ADGRG2: variants seen among roughly 807,000 people sequenced by gnomAD.
The protein encoded by ADGRG2 is G protein-coupled receptor 64.
In ADGRG2, 26 loss-of-function variants were observed where a neutral mutation model predicts 74.1. The observed-to-expected ratio is 0.35, with a 90% CI of 0.26 to 0.49. ADGRG2 has a LOEUF of 0.49. Ranked by LOEUF, ADGRG2 falls within the 20% of genes least tolerant of loss-of-function variation. The pLI, the probability that ADGRG2 is intolerant of heterozygous loss-of-function variation, is 0.99. For synonymous variants in ADGRG2, 296 were observed against 295.2 expected (o/e 1.00, Z -0.03); for missense variants, 619 against 763.1 (o/e 0.81, Z 2.22).
chrX:19,086,197 G>T (rs1289667874), intron 1 of ADGRG2, among the ~76,000 whole-genome samples: 1 of 111,511 alleles, frequency 9.0e-6, no homozygotes. Flanking sequence ...ATGAGCACCA[G>T]CGCTTCAGTG....
chrX:19,018,676 G>A (rs1003033904), intron 15 of ADGRG2, among the ~76,000 whole-genome samples: 2 of 111,376 alleles, frequency 1.8e-5, no homozygotes, highest in Non-Finnish European at 3.8e-5. Context: ...TGACATCTCA[G>A]ATCACTGGGG....
intron 2 of ADGRG2, among the ~76,000 whole-genome samples, chrX:19,073,446 C>A (rs756888491): frequency 3.0e-4 from 33 of 111,481 alleles, no homozygotes; most frequent in African/African-American, 9.8e-4. Context: ...TTATCCAGGG[C>A]CCCCTTTTAG....
intron 26 of ADGRG2, among the ~76,000 whole-genome samples, chrX:18,998,227 C>T (rs1038564782): frequency 4.5e-5 from 5 of 111,814 alleles, no homozygotes; most frequent in Non-Finnish European, 9.4e-5. Context: ...TTCTCATTGT[C>T]TCCAAATCGC....
In ADGRG2 at chrX:18,999,979, T is replaced by C; in HGVS notation, c.2231-19A>G. 1 of 894,434 alleles carries C rather than the reference T, an allele frequency of 1.1e-6. No individual in the cohort carries two copies. The highest frequency in any genetic ancestry group is 1.6e-6 in the Non-Finnish European group (1 of 620,866). 73.7% of individuals were successfully genotyped at this position (894,434 alleles called of 1,213,427 possible). ...GGTACCCCTGGAAGATGGGAAACAT[T>C]GGTCACACCTAATTTTTTTTTTTTT... On this transcript the variant is annotated intron_variant, in intron 24 of 28. Coordinates refer to ENST00000379869, the MANE Select transcript of ADGRG2 (RefSeq NM_001079858.3).
At chrX:19,036,333 A>G in intron 6 of ADGRG2, 1 of 120,855 alleles carries the variant, frequency 8.3e-6, no homozygotes, top group Non-Finnish European at 1.7e-5. Context: ...CATTTCCAAC[A>G]TTAATACTGA....
intron 1 of ADGRG2, among the ~76,000 whole-genome samples, chrX:19,096,610 G>A (rs2062101241): frequency 9.0e-6 from 1 of 111,421 alleles, no homozygotes; most frequent in Non-Finnish European, 1.9e-5. Flanking sequence ...TAGTACTAAT[G>A]CCACATTATT....
At chrX:19,045,043 T>G (rs1360697768) in intron 3 of ADGRG2, among the ~76,000 whole-genome samples, 1 of 110,978 alleles carries the variant, frequency 9.0e-6, no homozygotes, top group Non-Finnish European at 1.9e-5. Context: ...GGGTCAGAGT[T>G]ATGCCATGAG....
At chrX:19,053,720 A>C (rs1294387071) in intron 3 of ADGRG2, among the ~76,000 whole-genome samples, 1 of 112,304 alleles carries the variant, frequency 8.9e-6, no homozygotes, top group African/African-American at 3.2e-5. Context: ...CAATGACTGT[A>C]TTAGTCCGTT....
upstream of ADGRG2, chrX:19,122,585 C>T (rs1288904506): frequency 1.8e-5 from 2 of 109,629 alleles, no homozygotes; most frequent in Non-Finnish European, 3.8e-5. Context: ...AGCTCTCCAG[C>T]TGCCCAGCGC....
At chrX:19,077,627 GC>G (rs924159057) in intron 2 of ADGRG2, among the ~76,000 whole-genome samples, 7 of 110,416 alleles carry the variant, frequency 6.3e-5, no homozygotes, top group Admixed American at 4.9e-4. Context: ...CCAATTATAT[GC>G]TATTTACAAG....
chrX:19,045,129 G>A lies in ADGRG2; in HGVS notation c.119-4905C>T, dbSNP rs141386531. Among the ~76,000 whole-genome samples, 637 of 109,881 alleles carry A rather than the reference G, an allele frequency of 5.8e-3. 7 individuals carry two copies. The highest frequency in any genetic ancestry group is 0.02 in the African/African-American group (596 of 30,224). On this transcript the variant is annotated intron_variant, in intron 3 of 28. Transcript: ENST00000379869. Reference sequence around the variant, plus strand: ...TGTTAGTGCTTGAGAAACAGGATGGGTGAGGTTTAGAAACTTGTTCAAGGC... The same window carrying A: ...TGTTAGTGCTTGAGAAACAGGATGGATGAGGTTTAGAAACTTGTTCAAGGC...
chrX:19,078,690 G>T (rs1177106401), intron 2 of ADGRG2, among the ~76,000 whole-genome samples: 3 of 109,693 alleles, frequency 2.7e-5, no homozygotes, highest in African/African-American at 1.0e-4. Context: ...TAGAAAAAGA[G>T]AAAGGCTTAA....
At chrX:19,084,335 G>C (rs1569134728) in intron 1 of ADGRG2, among the ~76,000 whole-genome samples, 2 of 110,549 alleles carry the variant, frequency 1.8e-5, no homozygotes, top group South Asian at 7.9e-4. Flanking sequence ...GGTGGGTAGA[G>C]AATCAGGAAG....
intron 1 of ADGRG2, among the ~76,000 whole-genome samples, chrX:19,118,366 A>G (rs1165388501): frequency 8.9e-6 from 1 of 112,161 alleles, no homozygotes; most frequent in African/African-American, 3.2e-5. Flanking sequence ...GTGGGAAAAA[A>G]GGATACAATT....
chrX:19,024,416 T>C (rs1002371998), intron 11 of ADGRG2, among the ~76,000 whole-genome samples: 1 of 111,544 alleles, frequency 9.0e-6, no homozygotes. Context: ...AACTCCCCCT[T>C]AGGAAATTCT....
chrX:19,051,135 C>T (rs181642154), intron 3 of ADGRG2, among the ~76,000 whole-genome samples: 24 of 111,909 alleles, frequency 2.1e-4, no homozygotes, highest in African/African-American at 6.8e-4. Context: ...ACTGCAGTGG[C>T]GCGATCTCGG....
intron 16 of ADGRG2, among the ~76,000 whole-genome samples, chrX:19,012,303 A>G (rs1230870871): frequency 9.0e-6 from 1 of 111,385 alleles, no homozygotes; most frequent in Non-Finnish European, 1.9e-5. Context: ...CATAGGCACC[A>G]GAGGCCACCT....
At chrX:19,050,862 A>G (rs1347940464) in intron 3 of ADGRG2, among the ~76,000 whole-genome samples, 1 of 112,069 alleles carries the variant, frequency 8.9e-6, no homozygotes, top group African/African-American at 3.2e-5. Context: ...TGATTCAGCC[A>G]TGGCTGACAT....
chrX:19,037,461 T>C lies in ADGRG2; in HGVS notation c.226+6A>G. Reference sequence around the variant, plus strand: ...CAATTTTCACTTGCTTCAGAAAAATTCTTACCATTGAGGCTTGTTGTTTCA... The same window carrying C: ...CAATTTTCACTTGCTTCAGAAAAATCCTTACCATTGAGGCTTGTTGTTTCA... On this transcript the variant is annotated splice_donor_region_variant and intron_variant, in intron 6 of 28. Transcript: ENST00000379869. 1.7e-6 allele frequency: 2 copies of C among 1,164,148 alleles called. No homozygotes were observed. Among genetic ancestry groups the C allele is most frequent in the Non-Finnish European group, 1.2e-6 (1 of 857,525 alleles).
Sources: allele counts gnomAD v4.1 joint callset (sites outside exome capture counted in the v4.1 genomes callset), GRCh38; gene constraint gnomAD v4.1.1; transcripts MANE v1.5; gene names NCBI Gene and HGNC (gene_info 2026-07-23, HGNC 2026-07-21).